PDCD4: variants seen among roughly 807,000 people sequenced by gnomAD.
PDCD4 encodes programmed cell death 4.
In PDCD4, 56 loss-of-function variants were observed where a neutral mutation model predicts 54.0. The ratio of observed to expected loss-of-function variants is 1.04; its 90% CI spans 0.84 to 1.30. PDCD4 has a LOEUF of 1.30. PDCD4 is among the 50% of genes most tolerant of loss of function. The pLI is 0.00. For missense variants in PDCD4, 584 were observed against 559.8 expected (o/e 1.04, Z -0.44); for synonymous variants, 186 against 194.8 (o/e 0.95, Z 0.37).
chr10:110,877,547 AT>A (rs1845524571), intron 2 of PDCD4, among the ~76,000 whole-genome samples: 1 of 152,184 alleles, frequency 6.6e-6, no homozygotes, highest in Admixed American at 6.5e-5. Context: ...CTACTGGAAA[AT>A]TTAAAATTTC....
chr10:110,874,179 A>G (rs1243052399), intron 1 of PDCD4, among the ~76,000 whole-genome samples: 2 of 152,232 alleles, frequency 1.3e-5, no homozygotes, highest in African/African-American at 2.4e-5. Flanking sequence ...GTAAGGTGGA[A>G]TACCTACCCG....
Position 110,894,203 on chromosome 10 carries a change from G to C in PDCD4, c.1098+5G>C. The C allele has an allele frequency of 6.8e-7, 1 of 1,474,262 alleles. No homozygotes were observed. The highest frequency in any genetic ancestry group is 9.5e-7 in the Non-Finnish European group (1 of 1,053,176). 91.3% of individuals were successfully genotyped at this position (1,474,262 alleles called of 1,614,324 possible). A position where few individuals can be genotyped will look rare whatever the true frequency, so the allele number is the denominator to read the frequency against. ...CACCATGAGCTTGTATATGAAGTAA[G>C]ATTACCTTGCCATGTCAAAGATAAT... On this transcript the variant is annotated splice_donor_5th_base_variant and intron_variant, in intron 9 of 11. Coordinates refer to ENST00000280154, the MANE Select transcript of PDCD4 (RefSeq NM_014456.5).
intron 3 of PDCD4, 102 bp downstream of exon 3, chr10:110,881,637 A>G (rs1052953870): frequency 4.2e-5 from 39 of 918,336 alleles, no homozygotes; most frequent in Middle Eastern, 2.8e-4. Context: ...AGAGAGATTC[A>G]AAAAGTGAAA....
chr10:110,887,915 C>A, intron 6 of PDCD4, 29 bp downstream of exon 6: 3 of 1,386,684 alleles, frequency 2.2e-6, no homozygotes, highest in South Asian at 2.3e-5. Flanking sequence ...TTTGTTCATT[C>A]CCTCCCACTA....
intron 2 of PDCD4, among the ~76,000 whole-genome samples, chr10:110,877,428 A>G (rs1016571816): frequency 2.0e-5 from 3 of 152,184 alleles, no homozygotes; most frequent in East Asian, 1.9e-4. Context: ...ATGAAGGTCA[A>G]CTATCTCAAT....
intron 8 of PDCD4, among the ~76,000 whole-genome samples, chr10:110,893,553 A>G (rs566146362): frequency 1.3e-5 from 2 of 151,990 alleles, no homozygotes; most frequent in Non-Finnish European, 2.9e-5. Context: ...TACAGCTGGA[A>G]ACTGAATTAT....
At chr10:110,877,366 C>T (rs1040298262) in intron 2 of PDCD4, among the ~76,000 whole-genome samples, 5 of 152,160 alleles carry the variant, frequency 3.3e-5, no homozygotes, top group Non-Finnish European at 2.9e-5. Flanking sequence ...CACCACTGTG[C>T]TTAGCCACAT....
At chr10:110,894,636 G>T in intron 10 of PDCD4, 114 bp downstream of exon 10, 1 of 476,776 alleles carries the variant, frequency 2.1e-6, no homozygotes. Flanking sequence ...GTGTTAATAT[G>T]CCTATATGTT....
chr10:110,883,242 A>C (rs2135200839), intron 4 of PDCD4, 145 bp downstream of exon 4: 1 of 576,034 alleles, frequency 1.7e-6, no homozygotes, highest in East Asian at 3.5e-5. Context: ...TAATACATGC[A>C]TAACTTTCAC....
Position 110,881,336 on chromosome 10 carries a change from C to T in PDCD4, c.147C>T (p.Ser49=). ...EINGNWISAS[S]INEARINAKA... ...ATGGAAATTGGATTTCAGCATCCTCCATTAACGAAGCTAGAATTAATGCCA... is the reference window on the plus strand; with the variant it reads ...ATGGAAATTGGATTTCAGCATCCTCTATTAACGAAGCTAGAATTAATGCCA... Residue 49 remains serine, a synonymous_variant, in exon 3 of 12, where the codon TCC becomes TCT. Transcript: ENST00000280154. 1 of 1,614,022 alleles carries T rather than the reference C, an allele frequency of 6.2e-7. No individual in the cohort carries two copies. The highest frequency in any genetic ancestry group is 1.3e-5 in the African/African-American group (1 of 75,002).
chr10:110,881,047 T>A (rs1438286742), intron 2 of PDCD4, among the ~76,000 whole-genome samples, 186 bp from the exon 3 acceptor site: 1 of 152,174 alleles, frequency 6.6e-6, no homozygotes, highest in African/African-American at 2.4e-5. Flanking sequence ...TCCTTGATAA[T>A]GTGAAAAGTA....
intron 5 of PDCD4, among the ~76,000 whole-genome samples, chr10:110,885,648 G>A (rs541541631): frequency 1.3e-5 from 2 of 151,500 alleles, no homozygotes; most frequent in South Asian, 4.2e-4. Context: ...TATAAAATCT[G>A]TTTTTATAAT....
intron 4 of PDCD4, among the ~76,000 whole-genome samples, chr10:110,883,759 G>A (rs758456458): frequency 6.6e-6 from 1 of 152,124 alleles, no homozygotes. Flanking sequence ...TTTGCACAAG[G>A]TGAGACACGG....
rs371874400 is a variant in PDCD4, at chr10:110,896,075, T to A, written c.1337T>A (p.Leu446His). ...AGIISKQLRD[L>H]CPSRGRKRFV... is the part of the protein sequence containing the mutation. ...ATAATTTCCAAACAACTCAGAGATC[T>A]TTGTCCTTCAAGGTACTTTATTTAA... is the stretch of plus-strand genomic sequence containing the variant. Residue 446 changes from leucine to histidine, a missense_variant, in exon 11 of 12, where the codon CTT (leucine) becomes CAT (histidine). Transcript: ENST00000280154. 1 of 1,607,238 alleles carries A rather than the reference T, an allele frequency of 6.2e-7. No individual in the cohort carries two copies. The highest frequency in any genetic ancestry group is 8.5e-7 in the Non-Finnish European group (1 of 1,176,594).
intron 1 of PDCD4, chr10:110,872,367 C>T (rs1421667344): frequency 1.3e-5 from 2 of 152,336 alleles, no homozygotes; most frequent in East Asian, 1.9e-4. Flanking sequence ...CCTCCTCCCC[C>T]TCTGGCGGAG....
At chr10:110,890,943 G>T in intron 8 of PDCD4, 1 of 241,842 alleles carries the variant, frequency 4.1e-6, no homozygotes, top group East Asian at 8.4e-5. Flanking sequence ...TTTTCTTATA[G>T]TATTATTTAA....
chr10:110,894,343 C>G, intron 9 of PDCD4, 69 bp from the exon 10 acceptor site: 1 of 913,254 alleles, frequency 1.1e-6, no homozygotes, highest in Non-Finnish European at 1.8e-6. Flanking sequence ...CAGAAGGCAT[C>G]TAGGTGCATT....
chr10:110,881,990 G>A (rs1483419504), intron 3 of PDCD4, among the ~76,000 whole-genome samples: 1 of 151,932 alleles, frequency 6.6e-6, no homozygotes. Flanking sequence ...TCTTTATTTT[G>A]GGTTCTGTAG....
At position 110,896,071 on chromosome 10, in the gene PDCD4, G is replaced by C. The variant is rs1564686355; in HGVS notation, c.1333G>C (p.Asp445His). The part of the protein sequence containing the change: ...QAGIISKQLR[D>H]LCPSRGRKRF... ...TGGAATAATTTCCAAACAACTCAGAGATCTTTGTCCTTCAAGGTACTTTAT... is the reference window on the plus strand; with the variant it reads ...TGGAATAATTTCCAAACAACTCAGACATCTTTGTCCTTCAAGGTACTTTAT... Residue 445 changes from aspartate (D) to histidine (H), a missense_variant, in exon 11 of 12, where the codon GAT (aspartate) becomes CAT (histidine). Asp to His is a moderately conservative substitution (Grantham distance 81, BLOSUM62 -1). Coordinates refer to ENST00000280154, the MANE Select transcript of PDCD4 (RefSeq NM_014456.5). The C allele has an allele frequency of 1.2e-6, 2 of 1,608,934 alleles. No homozygotes were observed. Among genetic ancestry groups the C allele is most frequent in the Non-Finnish European group, 1.7e-6 (2 of 1,177,316 alleles).
Sources: gnomAD v4.1 joint callset for allele counts (sites outside exome capture counted in the v4.1 genomes callset) on GRCh38, gnomAD v4.1.1 for gene constraint, MANE v1.5 for transcripts, NCBI Gene and HGNC (gene_info 2026-07-23, HGNC 2026-07-21) for gene names.